Variants in XPR1 observed in about 807,000 individuals in gnomAD.
XPR1 encodes the protein xenotropic and polytropic retrovirus receptor 1.
Under a neutral mutation model 87.5 loss-of-function variants are expected in XPR1, and 28 were observed. The ratio of observed to expected loss-of-function variants is 0.32; its 90% CI spans 0.24 to 0.44. The LOEUF is 0.44. Among genes scored for constraint, XPR1 ranks in the 20% least tolerant of loss-of-function variants. The probability of loss-of-function intolerance (pLI) is 1.00; values close to 1 mark genes in which losing one functional copy is unlikely to be tolerated. For synonymous variants in XPR1, 300 were observed against 306.1 expected (o/e 0.98, Z 0.21); for missense variants, 559 against 862.3 (o/e 0.65, Z 4.41).
chr1:180,876,509 G>A (rs895316618), intron 13 of XPR1, among the ~76,000 whole-genome samples: 1 of 152,030 alleles, frequency 6.6e-6, no homozygotes, highest in South Asian at 2.1e-4. Context: ...AGTGGCGCAT[G>A]CCTGTAGTCC....
intron 7 of XPR1, among the ~76,000 whole-genome samples, chr1:180,824,224 G>A (rs571765473): frequency 1.3e-5 from 2 of 152,180 alleles, no homozygotes; most frequent in Non-Finnish European, 2.9e-5. Context: ...TTATTCTAGT[G>A]ACATTCTGCA....
intron 1 of XPR1, among the ~76,000 whole-genome samples, chr1:180,675,509 G>T (rs2101936222): frequency 1.3e-5 from 2 of 152,060 alleles, no homozygotes; most frequent in South Asian, 4.2e-4. Flanking sequence ...TAGTGAATTG[G>T]GGTCACAAGT....
intron 2 of XPR1, among the ~76,000 whole-genome samples, chr1:180,734,530 G>T (rs533412426): frequency 3.9e-5 from 6 of 152,274 alleles, no homozygotes; most frequent in African/African-American, 1.2e-4. Flanking sequence ...TGAGAGGCCT[G>T]ATAGTTGGTT....
At chr1:180,843,278 TAACTTTAAAAA>T (rs1367445005) in intron 11 of XPR1, among the ~76,000 whole-genome samples, 1 of 144,150 alleles carries the variant, frequency 6.9e-6, no homozygotes, top group East Asian at 2.1e-4. Context: ...TTTGTTTCAT[TAACTTTAAAAA>T]AAAAAAGATA....
chr1:180,854,936 G>A (rs940598412), intron 11 of XPR1, among the ~76,000 whole-genome samples: 3 of 152,198 alleles, frequency 2.0e-5, no homozygotes, highest in Non-Finnish European at 4.4e-5. Flanking sequence ...CAGAGACTAT[G>A]TTGCCTTTCC....
At chr1:180,664,942 T>A (rs1655909109) in intron 1 of XPR1, among the ~76,000 whole-genome samples, 1 of 152,220 alleles carries the variant, frequency 6.6e-6, no homozygotes, top group Admixed American at 6.5e-5. Context: ...TGTGAGAATC[T>A]AATGCTGCCG....
chr1:180,689,021 AT>A (rs1656891968), intron 2 of XPR1, among the ~76,000 whole-genome samples: 2 of 152,130 alleles, frequency 1.3e-5, no homozygotes, highest in African/African-American at 4.8e-5. Flanking sequence ...TTTAAAATGT[AT>A]TTTTTGTTTA....
chr1:180,807,715 T>C (rs766190389), intron 6 of XPR1, among the ~76,000 whole-genome samples: 1 of 152,058 alleles, frequency 6.6e-6, no homozygotes, highest in Non-Finnish European at 1.5e-5. Flanking sequence ...TTTAAAAATT[T>C]ATATGGAGGC....
chr1:180,685,415 G>A (rs563369932), intron 2 of XPR1, among the ~76,000 whole-genome samples: 46 of 152,170 alleles, frequency 3.0e-4, no homozygotes, highest in Admixed American at 1.9e-3. Flanking sequence ...TTTTTGCATC[G>A]ATGTTCATGA....
intron 2 of XPR1, among the ~76,000 whole-genome samples, chr1:180,724,763 A>C (rs949895121): frequency 6.6e-6 from 1 of 152,240 alleles, no homozygotes; most frequent in Non-Finnish European, 1.5e-5. Context: ...GCCTTCAGTC[A>C]ATGAAAAAGT....
In XPR1 at chr1:180,632,099, C is replaced by T; in HGVS notation, c.-103C>T. ...GCGGCGGAGGAGGAGAGAAGCGCAG[C>T]GCCGCGCCGCGCCGGGGCCCATGTG... On this transcript the variant is annotated 5_prime_UTR_variant, in exon 1 of 15. Transcript: ENST00000367590. The T allele has an allele frequency of 7.2e-7, 1 of 1,394,566 alleles. No individual in the cohort carries two copies. Among genetic ancestry groups the T allele is most frequent in the Non-Finnish European group, 9.9e-7 (1 of 1,005,910 alleles). The allele number at this position is 1,394,566 out of a possible 1,614,324, so 86.4% of individuals were successfully genotyped here.
At chr1:180,793,133 A>C (rs1649446785) in intron 3 of XPR1, among the ~76,000 whole-genome samples, 1 of 152,078 alleles carries the variant, frequency 6.6e-6, no homozygotes, top group South Asian at 2.1e-4. Flanking sequence ...GGAAGAAGGA[A>C]GGTAATTGCA....
intron 3 of XPR1, among the ~76,000 whole-genome samples, chr1:180,791,968 C>T (rs1028600042): frequency 7.2e-5 from 11 of 152,192 alleles, no homozygotes; most frequent in Non-Finnish European, 1.0e-4. Flanking sequence ...CAGTGAGGCA[C>T]GTCTCTTGAT....
chr1:180,833,848 A>G (rs567057606), intron 9 of XPR1, among the ~76,000 whole-genome samples: 2 of 152,334 alleles, frequency 1.3e-5, no homozygotes, highest in South Asian at 4.1e-4. Context: ...AACATTTGTC[A>G]TATGCTATCT....
intron 9 of XPR1, among the ~76,000 whole-genome samples, chr1:180,825,881 T>C (rs1423173719): frequency 6.6e-6 from 1 of 152,090 alleles, no homozygotes; most frequent in Non-Finnish European, 1.5e-5. Context: ...TGAAACCCCG[T>C]CTCTACTAAA....
chr1:180,719,456 G>T (rs1276929849), intron 2 of XPR1, among the ~76,000 whole-genome samples: 2 of 152,136 alleles, frequency 1.3e-5, no homozygotes, highest in South Asian at 4.1e-4. Flanking sequence ...ACATGTTGGG[G>T]CTTAGAATAT....
chr1:180,849,492 T>C (rs1241741981), intron 11 of XPR1, among the ~76,000 whole-genome samples: 1 of 152,196 alleles, frequency 6.6e-6, no homozygotes, highest in African/African-American at 2.4e-5. Context: ...ATTAGGGCGA[T>C]CCAAAATTTG....
chr1:180,671,600 C>T (rs566961341), intron 1 of XPR1, among the ~76,000 whole-genome samples: 1 of 152,282 alleles, frequency 6.6e-6, no homozygotes, highest in Admixed American at 6.5e-5. Flanking sequence ...TCTCGGCTCA[C>T]TGCAGCCCCC....
chr1:180,657,585 A>G (rs1655580713), intron 1 of XPR1, among the ~76,000 whole-genome samples: 1 of 152,184 alleles, frequency 6.6e-6, no homozygotes, highest in Admixed American at 6.5e-5. Context: ...CCTTTGTTGA[A>G]AATGAGTTCA....
Sources: gnomAD v4.1 joint callset for allele counts (sites outside exome capture counted in the v4.1 genomes callset) on GRCh38, gnomAD v4.1.1 for gene constraint, MANE v1.5 for transcripts, NCBI Gene and HGNC (gene_info 2026-07-23, HGNC 2026-07-21) for gene names.